The following DCAF8L1 variants were observed in gnomAD, a reference collection of about 807,000 sequenced individuals.
DCAF8L1 encodes DDB1 and CUL4 associated factor 8 like 1.
For missense variants in DCAF8L1, 434 were observed against 481.6 expected (o/e 0.90, Z 0.92); for synonymous variants, 217 against 186.8 (o/e 1.16, Z -1.32).
Position 27,979,000 on chromosome X carries a change from T to C in DCAF8L1, c.*532A>G, listed in dbSNP as rs1926581253. 2.0e-6 allele frequency: 1 copy of C among 498,187 alleles called. No individual in the cohort carries two copies. The highest frequency in any genetic ancestry group is 3.0e-5 in the Admixed American group (1 of 33,616). The allele number at this position is 498,187 out of a possible 1,213,427, so 41.1% of individuals were successfully genotyped here. A position where few individuals can be genotyped will look rare whatever the true frequency, so the allele number is the denominator to read the frequency against. On this transcript the variant is annotated 3_prime_UTR_variant, in exon 1 of 1. Coordinates refer to ENST00000441525, the MANE Select transcript of DCAF8L1 (RefSeq NM_001017930.2). ...AAATATTGGCAGGATTCATAGAGAT[T>C]GTATACAGTCCCACTTTCTTATTCT...
rs1009419390 is a variant in DCAF8L1, at chrX:27,981,410, T to G, written c.-76A>C. 1.2e-5 allele frequency: 14 copies of G among 1,140,759 alleles called. No individual in the cohort carries two copies. Among genetic ancestry groups the G allele is most frequent in the Non-Finnish European group, 4.7e-6 (4 of 857,386 alleles). 94.0% of individuals were successfully genotyped at this position (1,140,759 alleles called of 1,213,427 possible). ...AAAAGCTCAGGGAAGAGAGCACGCC[T>G]GCCCCGAGGACGGACGGTCGGAGAA... is the stretch of plus-strand genomic sequence containing the variant. On this transcript the variant is annotated 5_prime_UTR_variant, in exon 1 of 1. Transcript: ENST00000441525.
rs1317271236 is a variant in DCAF8L1, at chrX:27,981,387, A to G, written c.-53T>C. 3 of 1,171,718 alleles carry G rather than the reference A, an allele frequency of 2.6e-6. No homozygotes were observed. Among genetic ancestry groups the G allele is most frequent in the Non-Finnish European group, 3.4e-6 (3 of 874,934 alleles). ...TGGAACTGGAAAAGCCAACCCCTAA[A>G]AGCTCAGGGAAGAGAGCACGCCTGC... On this transcript the variant is annotated 5_prime_UTR_variant, in exon 1 of 1. Transcript: ENST00000441525.
At position 27,978,261 on chromosome X, in the gene DCAF8L1, C is replaced by A. The variant is rs1926566169; in HGVS notation, c.*1271G>T. The A allele has an allele frequency of 8.9e-6, 1 of 111,813 alleles. No individual in the cohort carries two copies. Among genetic ancestry groups the A allele is most frequent in the Non-Finnish European group, 1.9e-5 (1 of 53,216 alleles). 9.2% of individuals were successfully genotyped at this position (111,813 alleles called of 1,213,427 possible). A position where few individuals can be genotyped will look rare whatever the true frequency, so the allele number is the denominator to read the frequency against. ...ATGGATGTCAAATAGGATTTTTCTA[C>A]CAACTACATCACTTGTAAGTATAAA... On this transcript the variant is annotated 3_prime_UTR_variant, in exon 1 of 1. Coordinates refer to ENST00000441525, the MANE Select transcript of DCAF8L1 (RefSeq NM_001017930.2).
Position 27,980,948 on chromosome X carries a change from A to C in DCAF8L1, c.387T>G (p.Asp129Glu). The change falls in exon 1 of 1, where the codon GAT (aspartate) becomes GAG (glutamate). Residue 129 changes from aspartate to glutamate, a missense_variant. Physicochemically the swap from Asp to Glu is conservative, Grantham distance 45 (BLOSUM62 2). Transcript: ENST00000441525. The stretch of plus-strand genomic sequence containing the variant: ...CCTGATCCTCGTCTAACAAACACTG[A>C]TCATGGTTGGTGCCACCGCATCGTG... ...MCPRCGGTNH[D>E]QCLLDEDQAL... The C allele has an allele frequency of 1.7e-6, 2 of 1,211,598 alleles. No homozygotes were observed. Among genetic ancestry groups the C allele is most frequent in the South Asian group, 1.8e-5 (1 of 56,960 alleles).
Position 27,979,399 on chromosome X carries a change from C to T in DCAF8L1, c.*133G>A. 1.1e-6 allele frequency: 1 copy of T among 885,530 alleles called. No homozygotes were observed. The highest frequency in any genetic ancestry group is 1.5e-6 in the Non-Finnish European group (1 of 666,324). 73.0% of individuals were successfully genotyped at this position (885,530 alleles called of 1,213,427 possible). A position where few individuals can be genotyped will look rare whatever the true frequency, so the allele number is the denominator to read the frequency against. Reference sequence around the variant, plus strand: ...GAGGCATAAATAAGTTGTGTATGCACTCATATAAGGGGTAACAAAAACAGA... The same window carrying T: ...GAGGCATAAATAAGTTGTGTATGCATTCATATAAGGGGTAACAAAAACAGA... On this transcript the variant is annotated 3_prime_UTR_variant, in exon 1 of 1. Coordinates refer to ENST00000441525, the MANE Select transcript of DCAF8L1 (RefSeq NM_001017930.2).
In DCAF8L1 at chrX:27,980,164, T is replaced by C. The variant is rs1255851387; in HGVS notation, c.1171A>G (p.Thr391Ala). 2 of 1,211,761 alleles carry C rather than the reference T, an allele frequency of 1.7e-6. No individual in the cohort carries two copies. The highest frequency in any genetic ancestry group is 2.2e-6 in the Non-Finnish European group (2 of 895,529). The change falls in exon 1 of 1, where the codon ACA becomes GCA. Residue 391 changes from threonine (T) to alanine (A), a missense_variant. Coordinates refer to ENST00000441525, the MANE Select transcript of DCAF8L1 (RefSeq NM_001017930.2). ...PHHLVYCDFP[T>A]NITCVVYSHD... ...CTGTACACAACGCAGGTGATGTTTGTTGGGAAATCACAATAAACCAGATGA... is the reference window on the plus strand; with the variant it reads ...CTGTACACAACGCAGGTGATGTTTGCTGGGAAATCACAATAAACCAGATGA...
In DCAF8L1 at chrX:27,980,880, CG is replaced by C; in HGVS notation, c.454del (p.Arg152AspfsTer67). ...WISSETSALP[R>X]SRWQVLTALR... is the part of the protein sequence containing the mutation. Reference sequence around the variant, plus strand: ...AGCAGTAAGGACTTGCCAGCGAGATCGGGGCAGGGCAGATGTCTCTGAGGAA... The same window carrying C: ...AGCAGTAAGGACTTGCCAGCGAGATCGGGCAGGGCAGATGTCTCTGAGGAA... On this transcript the variant is annotated frameshift_variant, in exon 1 of 1. Coordinates refer to ENST00000441525, the MANE Select transcript of DCAF8L1 (RefSeq NM_001017930.2). LOFTEE classifies it low-confidence loss of function (END_TRUNC). 8.3e-7 allele frequency: 1 copy of C among 1,211,271 alleles called. No homozygotes were observed. The highest frequency in any genetic ancestry group is 1.1e-6 in the Non-Finnish European group (1 of 895,224).
In DCAF8L1 at chrX:27,980,181, A is replaced by T; in HGVS notation, c.1154T>A (p.Val385Asp). 3 of 1,211,221 alleles carry T rather than the reference A, an allele frequency of 2.5e-6. No individual in the cohort carries two copies. Among genetic ancestry groups the T allele is most frequent in the Non-Finnish European group, 3.4e-6 (3 of 895,402 alleles). ...VLKKFTPHHLVYCDFPTNITC... is the reference protein window; with the variant it reads ...VLKKFTPHHLDYCDFPTNITC... ...GATGTTTGTTGGGAAATCACAATAA[A>T]CCAGATGATGAGGAGTGAATTTCTT... Residue 385 changes from valine to aspartate, a missense_variant, in exon 1 of 1, where the codon GTT becomes GAT. Physicochemically the swap from Val to Asp is radical, Grantham distance 152. Transcript: ENST00000441525.
chrX:27,980,732 G>A lies in DCAF8L1; in HGVS notation c.603C>T (p.Thr201=). ...LLGSHAGSVS[T]IHFNQRGTRL... is the part of the protein sequence containing the mutation. The stretch of plus-strand genomic sequence containing the variant: ...GGGTGCCACGCTGGTTAAAGTGTAT[G>A]GTACTGACAGAACCGGCATGGCTTC... Residue 201 remains threonine, a synonymous_variant, in exon 1 of 1, where the codon ACC becomes ACT. Coordinates refer to ENST00000441525, the MANE Select transcript of DCAF8L1 (RefSeq NM_001017930.2). 6 of 1,210,968 alleles carry A rather than the reference G, an allele frequency of 5.0e-6. No individual in the cohort carries two copies. Among genetic ancestry groups the A allele is most frequent in the Non-Finnish European group, 6.7e-6 (6 of 894,996 alleles).
chrX:27,980,165 T>G lies in DCAF8L1; in HGVS notation c.1170A>C (p.Pro390=). The G allele has an allele frequency of 8.3e-7, 1 of 1,211,814 alleles. No homozygotes were observed. The highest frequency in any genetic ancestry group is 1.1e-6 in the Non-Finnish European group (1 of 895,556). Residue 390 remains proline, a synonymous_variant, in exon 1 of 1, where the codon CCA becomes CCC. Transcript: ENST00000441525. ...TGTACACAACGCAGGTGATGTTTGT[T>G]GGGAAATCACAATAAACCAGATGAT... ...TPHHLVYCDF[P]TNITCVVYSH...
chrX:27,979,892 T>G lies in DCAF8L1; in HGVS notation c.1443A>C (p.Gly481=). Residue 481 remains glycine (G), a synonymous_variant, in exon 1 of 1, where the codon GGA becomes GGC. Coordinates refer to ENST00000441525, the MANE Select transcript of DCAF8L1 (RefSeq NM_001017930.2). The stretch of plus-strand genomic sequence containing the variant: ...GGGGTTCAAGACAGTTTACTATATC[T>G]CCTCTGTCCCCCTCCATGAACTGGA... ...QIIQFMEGDR[G]DIVNCLEPHP... is the part of the protein sequence containing the mutation. 2 of 1,209,384 alleles carry G rather than the reference T, an allele frequency of 1.7e-6. No individual in the cohort carries two copies. Among genetic ancestry groups the G allele is most frequent in the Non-Finnish European group, 2.2e-6 (2 of 894,670 alleles).
Position 27,981,310 on chromosome X carries a change from C to G in DCAF8L1, c.25G>C (p.Gly9Arg), listed in dbSNP as rs145556673. ...TCAGTCACTAAGTCTGGTAAGCCAC[C>G]TGTGCTGCCCTCTTGGTGGGACATC... MSHQEGSTGGLPDLVTESL... is the reference protein window; with the variant it reads MSHQEGSTRGLPDLVTESL... Residue 9 changes from glycine to arginine, a missense_variant, in exon 1 of 1, where the codon GGT becomes CGT. By Grantham distance (125) the Gly-to-Arg change is moderately radical. Transcript: ENST00000441525. 1 of 1,208,417 alleles carries G rather than the reference C, an allele frequency of 8.3e-7. No homozygotes were observed. The highest frequency in any genetic ancestry group is 3.0e-5 in the East Asian group (1 of 33,716).
In DCAF8L1 at chrX:27,978,882, A is replaced by C. The variant is rs780868289; in HGVS notation, c.*650T>G. 7.1e-6 allele frequency: 6 copies of C among 850,536 alleles called. No individual in the cohort carries two copies. In the East Asian group the frequency reaches 1.7e-4, roughly 23 times the overall value. 70.1% of individuals were successfully genotyped at this position (850,536 alleles called of 1,213,427 possible). On this transcript the variant is annotated 3_prime_UTR_variant, in exon 1 of 1. Transcript: ENST00000441525. ...CAATTAACCAGATGATGAAGAGTGAATTTCTTGAGTACTCCATTGTTTTCT... is the reference window on the plus strand; with the variant it reads ...CAATTAACCAGATGATGAAGAGTGACTTTCTTGAGTACTCCATTGTTTTCT...
chrX:27,978,883 T>A lies in DCAF8L1; in HGVS notation c.*649A>T. 1.2e-6 allele frequency: 1 copy of A among 848,752 alleles called. No homozygotes were observed. Among genetic ancestry groups the A allele is most frequent in the Non-Finnish European group, 1.7e-6 (1 of 576,756 alleles). The allele number at this position is 848,752 out of a possible 1,213,427, so 69.9% of individuals were successfully genotyped here. Reference sequence around the variant, plus strand: ...AATTAACCAGATGATGAAGAGTGAATTTCTTGAGTACTCCATTGTTTTCTT... The same window carrying A: ...AATTAACCAGATGATGAAGAGTGAAATTCTTGAGTACTCCATTGTTTTCTT... On this transcript the variant is annotated 3_prime_UTR_variant, in exon 1 of 1. Coordinates refer to ENST00000441525, the MANE Select transcript of DCAF8L1 (RefSeq NM_001017930.2).
In DCAF8L1 at chrX:27,978,956, C is replaced by T; in HGVS notation, c.*576G>A. 2 of 662,206 alleles carry T rather than the reference C, an allele frequency of 3.0e-6. No individual in the cohort carries two copies. The highest frequency in any genetic ancestry group is 4.7e-6 in the Non-Finnish European group (2 of 427,881). 54.6% of individuals were successfully genotyped at this position (662,206 alleles called of 1,213,427 possible). ...ATAAATCCTTAAAAACCGATCATGTCCACCCACTGCGAATTGGTAAATATT... is the reference window on the plus strand; with the variant it reads ...ATAAATCCTTAAAAACCGATCATGTTCACCCACTGCGAATTGGTAAATATT... On this transcript the variant is annotated 3_prime_UTR_variant, in exon 1 of 1. Coordinates refer to ENST00000441525, the MANE Select transcript of DCAF8L1 (RefSeq NM_001017930.2).
Position 27,979,100 on chromosome X carries a change from TCTC to T in DCAF8L1, c.*429_*431del. On this transcript the variant is annotated 3_prime_UTR_variant, in exon 1 of 1. Coordinates refer to ENST00000441525, the MANE Select transcript of DCAF8L1 (RefSeq NM_001017930.2). ...GTTAGGAATTAATCTACACACTACT[TCTC>T]TTTTCCTTTTCTGAGACTGTGTGTA... is the stretch of plus-strand genomic sequence containing the variant. 1 of 313,886 alleles carries T rather than the reference TCTC, an allele frequency of 3.2e-6. No individual in the cohort carries two copies. The highest frequency in any genetic ancestry group is 5.7e-6 in the Non-Finnish European group (1 of 175,440). The allele number at this position is 313,886 out of a possible 1,213,427, so 25.9% of individuals were successfully genotyped here. A position where few individuals can be genotyped will look rare whatever the true frequency, so the allele number is the denominator to read the frequency against.
rs777469548 is a variant in DCAF8L1, at chrX:27,979,795, T to C, written c.1540A>G (p.Thr514Ala). The C allele has an allele frequency of 8.3e-7, 1 of 1,210,642 alleles. No individual in the cohort carries two copies. The highest frequency in any genetic ancestry group is 1.1e-6 in the Non-Finnish European group (1 of 895,154). ...TTTAACCCAGTAAGCTCAGTGGCAG[T>C]TTTAGCTGTGGGTGTCCAGATCCTG... ...HVRIWTPTAK[T>A]ATELTGLKDV... The change falls in exon 1 of 1, where the codon ACT becomes GCT. Residue 514 changes from threonine to alanine, a missense_variant. Thr to Ala is a moderately conservative substitution (Grantham distance 58). Transcript: ENST00000441525.
chrX:27,980,794 T>C lies in DCAF8L1; in HGVS notation c.541A>G (p.Thr181Ala), dbSNP rs757672175. 1.3e-5 allele frequency: 16 copies of C among 1,207,892 alleles called. No homozygotes were observed. The highest frequency in any genetic ancestry group is 2.3e-4 in the Middle Eastern group (1 of 4,367). ...RFVYEACGAR[T>A]FVQRFRLQYL... is the part of the protein sequence containing the mutation. ...TGCAGGCGGAAACGCTGCACAAAGG[T>C]TCTTGCCCCACAGGCCTCATATACA... is the stretch of plus-strand genomic sequence containing the variant. The change falls in exon 1 of 1, where the codon ACC becomes GCC. Residue 181 changes from threonine to alanine, a missense_variant. Physicochemically the swap from Thr to Ala is moderately conservative, Grantham distance 58. Coordinates refer to ENST00000441525, the MANE Select transcript of DCAF8L1 (RefSeq NM_001017930.2).
chrX:27,980,687 A>G lies in DCAF8L1; in HGVS notation c.648T>C (p.Asp216=), dbSNP rs1318413945. The G allele has an allele frequency of 9.9e-6, 12 of 1,210,121 alleles. No homozygotes were observed. In the Admixed American group the frequency reaches 1.1e-4, roughly 11 times the overall value. ...QRGTRLASSG[D]DLRVIVWDWV... ...AGTCCCACACTATCACCCTTAAGTC[A>G]TCACCGCTACTGGCCAGTCGGGTGC... Residue 216 remains aspartate (D), a synonymous_variant, in exon 1 of 1, where the codon GAT becomes GAC. Coordinates refer to ENST00000441525, the MANE Select transcript of DCAF8L1 (RefSeq NM_001017930.2).
Sources: gnomAD v4.1 joint callset for allele counts on GRCh38, gnomAD v4.1.1 for gene constraint, MANE v1.5 for transcripts, NCBI Gene and HGNC (gene_info 2026-07-23, HGNC 2026-07-21) for gene names.